Variants in CCSER1 observed in about 807,000 individuals in gnomAD.
CCSER1 encodes coiled-coil serine rich protein 1, also known as serine-rich coiled-coil domain-containing protein 1.
In CCSER1, 41 loss-of-function variants were observed where a neutral mutation model predicts 82.0. The observed-to-expected ratio is 0.50, with a 90% CI of 0.39 to 0.65. The LOEUF (loss-of-function observed/expected upper bound fraction) is 0.65. Ranked by LOEUF, CCSER1 falls within the 30% of genes least tolerant of loss-of-function variation. The pLI is 0.00. For missense variants in CCSER1, 1,119 were observed against 1,064.2 expected (o/e 1.05, Z -0.72); for synonymous variants, 414 against 383.9 (o/e 1.08, Z -0.92).
chr4:90,358,985 A>G (rs1744828922), intron 3 of CCSER1, among the ~76,000 whole-genome samples: 1 of 152,228 alleles, frequency 6.6e-6, no homozygotes, highest in Admixed American at 6.5e-5. Flanking sequence ...ATGAAAAGAT[A>G]CTTTTAAAAA....
chr4:90,638,710 A>G (rs1358283050), intron 6 of CCSER1, among the ~76,000 whole-genome samples: 1 of 152,154 alleles, frequency 6.6e-6, no homozygotes, highest in Non-Finnish European at 1.5e-5. Context: ...AGAGGAGGAA[A>G]GTATAATTCC....
At chr4:90,757,593 C>T (rs1749737313) in intron 7 of CCSER1, among the ~76,000 whole-genome samples, 1 of 152,162 alleles carries the variant, frequency 6.6e-6, no homozygotes, top group Non-Finnish European at 1.5e-5. Flanking sequence ...CTACGTAGTG[C>T]TCCAGAATCA....
At chr4:91,157,870 A>G (rs1730971678) in intron 10 of CCSER1, among the ~76,000 whole-genome samples, 1 of 151,972 alleles carries the variant, frequency 6.6e-6, no homozygotes, top group African/African-American at 2.4e-5. Flanking sequence ...TGTTTAGTAG[A>G]GAATAGGCAA....
intron 1 of CCSER1, among the ~76,000 whole-genome samples, chr4:90,166,992 C>T (rs1730568125): frequency 6.6e-6 from 1 of 151,860 alleles, no homozygotes; most frequent in South Asian, 2.1e-4. Context: ...TAGTGAAATT[C>T]TTTAATCAAG....
chr4:91,581,888 A>G (rs1438162590), intron 10 of CCSER1, among the ~76,000 whole-genome samples: 1 of 151,580 alleles, frequency 6.6e-6, no homozygotes. Flanking sequence ...AATGTTCCCT[A>G]AGAGGCAACT....
In CCSER1 at chr4:91,298,230, A is replaced by G. The variant is rs531573302; in HGVS notation, c.2217+212236A>G. ...TTAGATACTACTTAAATTGGAAATTACAAAATTGTTGGAAGTGCTGCTGAA... is the reference window on the plus strand; with the variant it reads ...TTAGATACTACTTAAATTGGAAATTGCAAAATTGTTGGAAGTGCTGCTGAA... On this transcript the variant is annotated intron_variant, in intron 10 of 10. Transcript: ENST00000509176. Among the ~76,000 whole-genome samples, 7 of 152,170 alleles carry G rather than the reference A, an allele frequency of 4.6e-5. 1 individual carries two copies. In the South Asian group the frequency reaches 1.4e-3, roughly 31 times the overall value.
At chr4:90,973,907 A>G (rs2150405210) in intron 9 of CCSER1, among the ~76,000 whole-genome samples, 1 of 151,740 alleles carries the variant, frequency 6.6e-6, no homozygotes, top group African/African-American at 2.4e-5. Context: ...AACAACATGA[A>G]TGAACGAGAA....
At chr4:91,192,775 A>C (rs1487456438) in intron 10 of CCSER1, among the ~76,000 whole-genome samples, 1 of 152,182 alleles carries the variant, frequency 6.6e-6, no homozygotes, top group Non-Finnish European at 1.5e-5. Context: ...GTTTTTACAA[A>C]ATAAAATCCA....
chr4:90,850,505 C>G (rs1039614796), intron 8 of CCSER1, among the ~76,000 whole-genome samples: 2 of 152,222 alleles, frequency 1.3e-5, no homozygotes, highest in Non-Finnish European at 2.9e-5. Flanking sequence ...AGCCCACTTC[C>G]TGCACCAGCG....
intron 8 of CCSER1, among the ~76,000 whole-genome samples, chr4:90,848,123 A>C (rs532352500): frequency 6.6e-6 from 1 of 152,316 alleles, no homozygotes; most frequent in South Asian, 2.1e-4. Context: ...AACAATGCAT[A>C]GTTGTATATT....
chr4:90,925,024 G>A (rs902519966), intron 9 of CCSER1, among the ~76,000 whole-genome samples: 2 of 152,096 alleles, frequency 1.3e-5, no homozygotes, highest in African/African-American at 4.8e-5. Flanking sequence ...ACCACCCCCT[G>A]CCTAAAAATT....
chr4:90,944,766 T>C (rs541655632), intron 9 of CCSER1, among the ~76,000 whole-genome samples: 8 of 152,334 alleles, frequency 5.3e-5, no homozygotes, highest in Non-Finnish European at 1.0e-4. Flanking sequence ...ACTATTAGTC[T>C]ATTGACCTGC....
At chr4:91,323,117 G>C (rs890702428) in intron 10 of CCSER1, among the ~76,000 whole-genome samples, 1 of 152,102 alleles carries the variant, frequency 6.6e-6, no homozygotes, top group African/African-American at 2.4e-5. Context: ...AGAAACATGC[G>C]GGCTGGACTC....
intron 8 of CCSER1, among the ~76,000 whole-genome samples, chr4:90,864,244 C>A (rs1353571286): frequency 6.6e-6 from 1 of 151,792 alleles, no homozygotes; most frequent in Admixed American, 6.6e-5. Flanking sequence ...TAAACAGATT[C>A]TTTTATTCTG....
intron 7 of CCSER1, 148 bp downstream of exon 7, chr4:90,724,139 C>A: frequency 3.9e-6 from 2 of 516,566 alleles, no homozygotes; most frequent in Non-Finnish European, 7.1e-6. Context: ...TTTGTGTGTT[C>A]CATTGTCATT....
intron 10 of CCSER1, among the ~76,000 whole-genome samples, chr4:91,127,543 A>C (rs1727625502): frequency 6.6e-6 from 1 of 152,098 alleles, no homozygotes; most frequent in South Asian, 2.1e-4. Context: ...AACTCTATGA[A>C]TTGGAGATTT....
At chr4:91,075,384 A>G (rs1721869620) in intron 9 of CCSER1, among the ~76,000 whole-genome samples, 1 of 152,054 alleles carries the variant, frequency 6.6e-6, no homozygotes, top group South Asian at 2.1e-4. Flanking sequence ...AGGGAAATGA[A>G]TTTTTTCCAA....
intron 4 of CCSER1, among the ~76,000 whole-genome samples, chr4:90,455,581 G>A (rs2153580569): frequency 6.6e-6 from 1 of 152,234 alleles, no homozygotes; most frequent in South Asian, 2.1e-4. Context: ...CAGGGTAGGT[G>A]AGGCTAAGAA....
intron 10 of CCSER1, among the ~76,000 whole-genome samples, chr4:91,465,221 A>G (rs186733813): frequency 1.6e-3 from 244 of 152,316 alleles, no homozygotes; most frequent in African/African-American, 5.6e-3. Context: ...CCCCTCAACA[A>G]CATGGAAACT....
Sources: allele counts gnomAD v4.1 joint callset (sites outside exome capture counted in the v4.1 genomes callset), GRCh38; gene constraint gnomAD v4.1.1; transcripts MANE v1.5; gene names NCBI Gene and HGNC (gene_info 2026-07-23, HGNC 2026-07-21).